OAF: variants seen among roughly 807,000 people sequenced by gnomAD.
OAF encodes the protein out at first protein homolog.
OAF carries 13 observed loss-of-function variants against 22.5 expected under a neutral mutation model. The observed-to-expected ratio is 0.58, with a 90% CI of 0.38 to 0.92. OAF has a LOEUF of 0.92. Among genes scored for constraint, OAF ranks in the 40% least tolerant of loss-of-function variants. The pLI, the probability that OAF is intolerant of heterozygous loss-of-function variation, is 0.00. For synonymous variants in OAF, 175 were observed against 170.5 expected (o/e 1.03, Z -0.21); for missense variants, 347 against 381.8 (o/e 0.91, Z 0.76).
In OAF at chr11:120,228,855, C is replaced by G. The variant is rs1373407425; in HGVS notation, c.548-13C>G. On this transcript the variant is annotated splice_polypyrimidine_tract_variant and intron_variant, in intron 3 of 3. Coordinates refer to ENST00000328965, the MANE Select transcript of OAF (RefSeq NM_178507.4). ...CCCTCCCTCCCTCCCTGATCCTTGC[C>G]TCTCTCCCCCAGGTGTGGACAGTTC... 3 of 726,998 alleles carry G rather than the reference C, an allele frequency of 4.1e-6. No individual in the cohort carries two copies. Among genetic ancestry groups the G allele is most frequent in the African/African-American group, 1.8e-5 (1 of 54,096 alleles). The allele number at this position is 726,998 out of a possible 1,614,324, so 45.0% of individuals were successfully genotyped here.
intron 2 of OAF, among the ~76,000 whole-genome samples, chr11:120,226,381 C>A (rs1006934063): frequency 6.6e-6 from 1 of 152,390 alleles, no homozygotes; most frequent in Admixed American, 6.5e-5. Flanking sequence ...TCTGAGTTCC[C>A]TGGCCTGCCC....
At chr11:120,228,821 T>TACCAAACCAA in intron 3 of OAF, 47 bp from the exon 4 acceptor site, 12 of 520,272 alleles carry the variant, frequency 2.3e-5, no homozygotes, top group African/African-American at 3.9e-5. Flanking sequence ...GGGAGCTCCT[T>TACCAAACCAA]CCCTCCCTCC....
Position 120,211,061 on chromosome 11 carries a change from G to C in OAF, c.-219G>C, listed in dbSNP as rs1938134441. The C allele has an allele frequency of 5.6e-6, 1 of 178,016 alleles. No homozygotes were observed. Among genetic ancestry groups the C allele is most frequent in the African/African-American group, 2.4e-5 (1 of 42,026 alleles). The allele number at this position is 178,016 out of a possible 1,614,324, so 11.0% of individuals were successfully genotyped here. A position where few individuals can be genotyped will look rare whatever the true frequency, so the allele number is the denominator to read the frequency against. ...GAGCCCGGGGCCGCGGAGCCGGGCCGGGGCAGCGCCGTCTCCGCCTCGGGG... is the reference window on the plus strand; with the variant it reads ...GAGCCCGGGGCCGCGGAGCCGGGCCCGGGCAGCGCCGTCTCCGCCTCGGGG... On this transcript the variant is annotated 5_prime_UTR_variant, in exon 1 of 4. Coordinates refer to ENST00000328965, the MANE Select transcript of OAF (RefSeq NM_178507.4).
In OAF at chr11:120,226,970, A is replaced by T. The variant is rs1377070600; in HGVS notation, c.521A>T (p.Glu174Val). Residue 174 changes from glutamate to valine, a missense_variant, in exon 3 of 4, where the codon GAG (glutamate) becomes GTG (valine). By Grantham distance (121) the Glu-to-Val change is moderately radical (BLOSUM62 -2). Transcript: ENST00000328965. ...EAVDAIYTRQ[E>V]DVRFWLEQGV... ...GTGGATGCCATCTACACCCGCCAGGAGGATGTCCGGTTCTGGCTGGAGCAA... is the reference window on the plus strand; with the variant it reads ...GTGGATGCCATCTACACCCGCCAGGTGGATGTCCGGTTCTGGCTGGAGCAA... The T allele has an allele frequency of 1.2e-6, 2 of 1,601,956 alleles. No individual in the cohort carries two copies. Among genetic ancestry groups the T allele is most frequent in the Non-Finnish European group, 1.7e-6 (2 of 1,170,466 alleles).
intron 3 of OAF, among the ~76,000 whole-genome samples, chr11:120,228,566 T>C (rs1265275805): frequency 1.3e-5 from 2 of 152,108 alleles, no homozygotes; most frequent in East Asian, 1.9e-4. Flanking sequence ...AAAACAGGGA[T>C]GACGATACTT....
rs147039971 is a variant in OAF at position 120,229,489 on chromosome 11, G to A, written c.*347G>A. On this transcript the variant is annotated 3_prime_UTR_variant, in exon 4 of 4. Transcript: ENST00000328965. ...GGTTGTTCTGTTGAACTCCTTGAACGTTTAGACCCTAAAAGGAGTCTATAC... is the reference window on the plus strand; with the variant it reads ...GGTTGTTCTGTTGAACTCCTTGAACATTTAGACCCTAAAAGGAGTCTATAC... The A allele has an allele frequency of 2.7e-3, 708 of 265,576 alleles. 3 individuals carry two copies. The highest frequency in any genetic ancestry group is 3.8e-3 in the Non-Finnish European group (505 of 133,170). 16.5% of individuals were successfully genotyped at this position (265,576 alleles called of 1,614,324 possible).
At position 120,216,292 on chromosome 11, in the gene OAF, A is replaced by T. The variant is rs147739822; in HGVS notation, c.231+4782A>T. 4.9e-3 allele frequency among the ~76,000 whole-genome samples: 747 copies of T among 152,262 alleles called. 5 individuals are homozygous for T. The highest frequency in any genetic ancestry group is 0.014 in the African/African-American group (586 of 41,534). On this transcript the variant is annotated intron_variant, in intron 1 of 3. Transcript: ENST00000328965. ...ACCTAAGAACGTGTATCCCAAGGAG[A>T]TATCACAGCACATAGATGTGGGACC... is the stretch of plus-strand genomic sequence containing the variant.
chr11:120,211,946 C>T (rs532184783), intron 1 of OAF, among the ~76,000 whole-genome samples: 2 of 152,294 alleles, frequency 1.3e-5, no homozygotes, highest in East Asian at 3.9e-4. Context: ...GTACAGGGCA[C>T]TGAGGGGTCT....
chr11:120,229,427 G>GC lies in OAF; in HGVS notation c.*285_*286insC. 18 of 397,540 alleles carry GC rather than the reference G, an allele frequency of 4.5e-5. No homozygotes were observed. Among genetic ancestry groups the GC allele is most frequent in the South Asian group, 1.9e-4 (6 of 30,834 alleles). 24.6% of individuals were successfully genotyped at this position (397,540 alleles called of 1,614,324 possible). On this transcript the variant is annotated 3_prime_UTR_variant, in exon 4 of 4. Transcript: ENST00000328965. ...CCCTCCCTCCTGCATCTCCCCTGGAGTGTTCACTTGCAAGCTGCCAAAACA... is the reference window on the plus strand; with the variant it reads ...CCCTCCCTCCTGCATCTCCCCTGGAGCTGTTCACTTGCAAGCTGCCAAAACA...
rs1938416941 is a variant in OAF at position 120,230,028 on chromosome 11, A to G, written c.*886A>G. 1 of 152,272 alleles carries G rather than the reference A, an allele frequency of 6.6e-6. No homozygotes were observed. The highest frequency in any genetic ancestry group is 2.4e-5 in the African/African-American group (1 of 41,450). The allele number at this position is 152,272 out of a possible 1,614,324, so 9.4% of individuals were successfully genotyped here. On this transcript the variant is annotated 3_prime_UTR_variant, in exon 4 of 4. Coordinates refer to ENST00000328965, the MANE Select transcript of OAF (RefSeq NM_178507.4). ...TGTCCCCACACCCTAGCAGTGGCCTATCTTGGAACAAGAACTTCGAAAGCA... is the reference window on the plus strand; with the variant it reads ...TGTCCCCACACCCTAGCAGTGGCCTGTCTTGGAACAAGAACTTCGAAAGCA...
chr11:120,221,841 T>C (rs1938283242), intron 1 of OAF, among the ~76,000 whole-genome samples: 1 of 152,218 alleles, frequency 6.6e-6, no homozygotes, highest in African/African-American at 2.4e-5. Flanking sequence ...TGGAGATTCC[T>C]GGAAGCTTGT....
intron 1 of OAF, among the ~76,000 whole-genome samples, chr11:120,219,051 G>A (rs377502262): frequency 2.6e-5 from 4 of 151,538 alleles, no homozygotes; most frequent in African/African-American, 4.8e-5. Flanking sequence ...GAGGAGAATC[G>A]AGCAAGTGAG....
At chr11:120,211,589 C>A in intron 1 of OAF, 79 bp downstream of exon 1, 1 of 1,027,884 alleles carries the variant, frequency 9.7e-7, no homozygotes, top group Non-Finnish European at 1.3e-6. Context: ...TGCCTGCAGA[C>A]GGAAAGACGG....
chr11:120,216,216 G>A (rs1024372708), intron 1 of OAF, among the ~76,000 whole-genome samples: 1 of 152,176 alleles, frequency 6.6e-6, no homozygotes, highest in Non-Finnish European at 1.5e-5. Context: ...AACATGGGAA[G>A]CCTTGAGGTG....
At chr11:120,214,607 A>G (rs1293075409) in intron 1 of OAF, among the ~76,000 whole-genome samples, 1 of 152,070 alleles carries the variant, frequency 6.6e-6, no homozygotes, top group Non-Finnish European at 1.5e-5. Flanking sequence ...CCTGTGTGGG[A>G]TGGGACCAAG....
At chr11:120,226,648 A>G (rs564005561) in intron 2 of OAF, among the ~76,000 whole-genome samples, 168 bp from the exon 3 acceptor site, 1 of 152,350 alleles carries the variant, frequency 6.6e-6, no homozygotes, top group South Asian at 2.1e-4. Context: ...ACTGTACTCT[A>G]GGCATCAGCT....
rs1938145832 is a variant in OAF at position 120,211,448 on chromosome 11, A to C, written c.169A>C (p.Ile57Leu). ...GCAGGCGGACAGCGACGCGGACAGC[A>C]TCAGCCTCGAGCTGCGCAAGCCCGA... ...SLQADSDADSISLELRKPDGT... is the reference protein window; with the variant it reads ...SLQADSDADSLSLELRKPDGT... The change falls in exon 1 of 4, where the codon ATC (isoleucine) becomes CTC (leucine). Residue 57 changes from isoleucine (I) to leucine (L), a missense_variant. Physicochemically the swap from Ile to Leu is conservative, Grantham distance 5. Transcript: ENST00000328965. The C allele has an allele frequency of 6.4e-7, 1 of 1,559,084 alleles. No homozygotes were observed.
intron 1 of OAF, among the ~76,000 whole-genome samples, chr11:120,219,675 G>A (rs1938256973): frequency 6.6e-6 from 1 of 152,200 alleles, no homozygotes; most frequent in African/African-American, 2.4e-5. Context: ...TTGAGTATCT[G>A]GACAAGGGCT....
At chr11:120,228,389 A>G (rs1403103786) in intron 3 of OAF, among the ~76,000 whole-genome samples, 1 of 151,954 alleles carries the variant, frequency 6.6e-6, no homozygotes, top group African/African-American at 2.4e-5. Flanking sequence ...GCCAGATGTC[A>G]CCTTTTTTAA....
Sources: allele counts gnomAD v4.1 joint callset (sites outside exome capture counted in the v4.1 genomes callset), GRCh38; gene constraint gnomAD v4.1.1; transcripts MANE v1.5; gene names NCBI Gene and HGNC (gene_info 2026-07-23, HGNC 2026-07-21).